MITD1: variants seen among roughly 807,000 people sequenced by gnomAD.
The protein encoded by MITD1 is microtubule interacting and trafficking domain containing 1.
MITD1 carries 24 observed loss-of-function variants against 34.9 expected under a neutral mutation model. The ratio of observed to expected loss-of-function variants is 0.69; its 90% CI spans 0.50 to 0.97. MITD1 has a LOEUF of 0.97. MITD1 is among the 50% of genes least tolerant of loss of function. The pLI, the probability that MITD1 is intolerant of heterozygous loss-of-function variation, is 0.00. For synonymous variants in MITD1, 102 were observed against 101.4 expected (o/e 1.01, Z -0.04); for missense variants, 266 against 294.6 (o/e 0.90, Z 0.71).
chr2:99,174,019 A>G lies in MITD1; in HGVS notation c.152-3T>C. ...TCTCTTAGTATTATCTTTGGTACCTACAAATTTAAAAATATATATTATCAA... is the reference window on the plus strand; with the variant it reads ...TCTCTTAGTATTATCTTTGGTACCTGCAAATTTAAAAATATATATTATCAA... On this transcript the variant is annotated splice_region_variant and splice_polypyrimidine_tract_variant and intron_variant, in intron 1 of 6. Coordinates refer to ENST00000289359, the MANE Select transcript of MITD1 (RefSeq NM_138798.3). The G allele has an allele frequency of 1.5e-6, 2 of 1,337,520 alleles. No homozygotes were observed. The highest frequency in any genetic ancestry group is 2.1e-6 in the Non-Finnish European group (2 of 952,400). The allele number at this position is 1,337,520 out of a possible 1,614,324, so 82.9% of individuals were successfully genotyped here. A position where few individuals can be genotyped will look rare whatever the true frequency, so the allele number is the denominator to read the frequency against.
chr2:99,176,412 G>A (rs1017781081), intron 1 of MITD1, among the ~76,000 whole-genome samples: 45 of 150,280 alleles, frequency 3.0e-4, no homozygotes, highest in African/African-American at 1.1e-3. Flanking sequence ...TGCAACCTCC[G>A]CCTCCCAGGT....
rs766082343 is a variant in MITD1, at chr2:99,162,600, C to A, written c.*4-382G>T. 8.1e-6 allele frequency: 13 copies of A among 1,614,118 alleles called. No individual in the cohort carries two copies. The highest frequency in any genetic ancestry group is 1.6e-4 in the Middle Eastern group (1 of 6,062). On this transcript the variant is annotated intron_variant, in intron 7 of 7. Transcript: ENST00000422537. ...TAGCATACCTTCCTTAGTGAAAAAT[C>A]TTTTGGAAAAGGATCCCACTCTGAC...
chr2:99,167,048 A>G (rs2093830843), downstream of MITD1, among the ~76,000 whole-genome samples: 1 of 151,708 alleles, frequency 6.6e-6, no homozygotes, highest in Admixed American at 6.6e-5. Flanking sequence ...CTAACTTAAA[A>G]TGTCACCTTT....
chr2:99,165,762 A>T (rs757250583), downstream of MITD1, among the ~76,000 whole-genome samples: 16 of 152,270 alleles, frequency 1.1e-4, no homozygotes, highest in Admixed American at 6.5e-4. Context: ...TGAAGCTCAG[A>T]CGTGGGCACA....
At chr2:99,165,019 TACACACAC>T (rs56958044), downstream of MITD1, among the ~76,000 whole-genome samples, 565 of 136,746 alleles carry the variant, frequency 4.1e-3, 4 homozygotes, top group Admixed American at 0.01. Flanking sequence ...CAAAATGGCA[TACACACAC>T]ACACACACAC....
chr2:99,164,637 A>G (rs983548054), downstream of MITD1, among the ~76,000 whole-genome samples: 1 of 152,140 alleles, frequency 6.6e-6, no homozygotes, highest in East Asian at 1.9e-4. Flanking sequence ...TTATTTTTCA[A>G]GGTGTTCTTG....
intron 1 of MITD1, among the ~76,000 whole-genome samples, chr2:99,176,849 A>G (rs2093890694): frequency 6.6e-6 from 1 of 152,082 alleles, no homozygotes; most frequent in African/African-American, 2.4e-5. Flanking sequence ...TTTTCCAAGG[A>G]GCCTCGGTCA....
In MITD1 at chr2:99,162,668, T is replaced by C. The variant is rs2516835; in HGVS notation, c.*4-450A>G. ...ATGCTGTTGCTACAGAGTATGCTGC[T>C]TATCATCAAATTGATAATCACATTC... is the stretch of plus-strand genomic sequence containing the variant. On this transcript the variant is annotated intron_variant, in intron 7 of 7. Coordinates refer to the MITD1 transcript ENST00000422537. 960,434 of 1,613,468 alleles carry C rather than the reference T, an allele frequency of 0.6. 291,854 individuals are homozygous for C. The highest frequency in any genetic ancestry group is 0.66 in the East Asian group (29,610 of 44,882).
chr2:99,172,979 T>C (rs2093867054), intron 2 of MITD1: 1 of 152,212 alleles, frequency 6.6e-6, no homozygotes, highest in African/African-American at 2.4e-5. Context: ...TATTTCCACA[T>C]AGATAACATT....
chr2:99,173,717 CA>C, intron 2 of MITD1, 197 bp downstream of exon 2: 1 of 599,488 alleles, frequency 1.7e-6, no homozygotes, highest in Non-Finnish European at 3.0e-6. Context: ...CAACTAAAAA[CA>C]AAAGCCAAAA....
chr2:99,162,806 T>G (rs747981647), intron 7 of MITD1: 10 of 1,613,982 alleles, frequency 6.2e-6, no homozygotes, highest in African/African-American at 2.7e-5. Flanking sequence ...GTATAAATAC[T>G]TCCTTTCATG....
chr2:99,168,543 T>A (rs1002503579), downstream of MITD1, among the ~76,000 whole-genome samples: 1 of 152,192 alleles, frequency 6.6e-6, no homozygotes, highest in Non-Finnish European at 1.5e-5. Flanking sequence ...ACAACTGGCA[T>A]CTGGATGAAA....
rs190202300 is a variant in MITD1, at chr2:99,173,628, C to T, written c.253+287G>A. 2.1e-4 allele frequency: 99 copies of T among 475,304 alleles called. No homozygotes were observed. In the East Asian group the frequency reaches 4.2e-3, roughly 20 times the overall value. 29.4% of individuals were successfully genotyped at this position (475,304 alleles called of 1,614,324 possible). On this transcript the variant is annotated intron_variant, in intron 2 of 6. Transcript: ENST00000289359. ...AAGCTTCATAGGGATTTGTGAACCCCTTAAAAATGGCATGGAACATTCTCC... is the reference window on the plus strand; with the variant it reads ...AAGCTTCATAGGGATTTGTGAACCCTTTAAAAATGGCATGGAACATTCTCC...
downstream of MITD1, among the ~76,000 whole-genome samples, chr2:99,165,284 C>T (rs1053813548): frequency 5.3e-5 from 8 of 152,050 alleles, no homozygotes; most frequent in Non-Finnish European, 1.2e-4. Context: ...CCAGGCTGTT[C>T]TTGAACTCCT....
chr2:99,173,480 A>G (rs778538774), intron 2 of MITD1: 1 of 470,364 alleles, frequency 2.1e-6, no homozygotes, highest in African/African-American at 2.0e-5. Context: ...ATCTGAGAGA[A>G]ATCCCAGGAG....
intron 2 of MITD1, 102 bp from the exon 3 acceptor site, chr2:99,171,748 T>G: frequency 8.9e-7 from 1 of 1,128,116 alleles, no homozygotes; most frequent in Admixed American, 2.4e-5. Flanking sequence ...ACATATTAAT[T>G]TTTTTAACTT....
At position 99,169,639 on chromosome 2, in the gene MITD1, T is replaced by G. The variant is rs1377121176; in HGVS notation, c.594-29A>C. ...TTGAAATTAGTATATAGTATTATAT[T>G]CAAGACATTTAAGTCAGACTATTAA... is the stretch of plus-strand genomic sequence containing the variant. On this transcript the variant is annotated intron_variant, in intron 5 of 6. Coordinates refer to ENST00000289359, the MANE Select transcript of MITD1 (RefSeq NM_138798.3). 4 of 1,530,238 alleles carry G rather than the reference T, an allele frequency of 2.6e-6. No individual in the cohort carries two copies. In the South Asian group the frequency reaches 4.5e-5, roughly 17 times the overall value. 94.8% of individuals were successfully genotyped at this position (1,530,238 alleles called of 1,614,324 possible).
Position 99,163,192 on chromosome 2 carries a change from C to A in MITD1, c.*4-974G>T, listed in dbSNP as rs2632276. ...TTTTAGTAACGTCAAAAAAAAAAAA[C>A]AAAACACAACAACCTAGTCTCTTTC... On this transcript the variant is annotated intron_variant, in intron 7 of 7. Transcript: ENST00000422537. 0.51 allele frequency: 213,886 copies of A among 416,332 alleles called. 49,824 individuals are homozygous for A. The highest frequency in any genetic ancestry group is 0.73 in the East Asian group (15,690 of 21,610). The allele number at this position is 416,332 out of a possible 1,614,324, so 25.8% of individuals were successfully genotyped here. A position where few individuals can be genotyped will look rare whatever the true frequency, so the allele number is the denominator to read the frequency against.
chr2:99,171,005 T>C (rs1574826688), intron 4 of MITD1: 2 of 282,274 alleles, frequency 7.1e-6, no homozygotes, highest in Non-Finnish European at 1.4e-5. Flanking sequence ...AGATGCCCAC[T>C]ACCATATCAT....
Sources: allele counts gnomAD v4.1 joint callset (sites outside exome capture counted in the v4.1 genomes callset), GRCh38; gene constraint gnomAD v4.1.1; transcripts MANE v1.5; gene names NCBI Gene and HGNC (gene_info 2026-07-23, HGNC 2026-07-21).